IPO7: variants seen among roughly 807,000 people sequenced by gnomAD.
IPO7 encodes the protein importin 7.
In IPO7, 13 loss-of-function variants were observed where a neutral mutation model predicts 136.4. That is an observed-to-expected ratio of 0.10 (90% CI 0.06 to 0.15). The LOEUF is 0.15. Ranked by LOEUF, IPO7 falls within the 10% of genes least tolerant of loss-of-function variation. The pLI, the probability that IPO7 is intolerant of heterozygous loss-of-function variation, is 1.00. For synonymous variants in IPO7, 403 were observed against 404.4 expected (o/e 1.00, Z 0.04); for missense variants, 857 against 1,240.6 (o/e 0.69, Z 4.65).
At chr11:9,426,916 C>CT (rs397961377) in intron 12 of IPO7, among the ~76,000 whole-genome samples, 4 of 151,744 alleles carry the variant, frequency 2.6e-5, no homozygotes, top group South Asian at 4.2e-4. Context: ...CCCGCCCCCC[C>CT]GCCATATGCT....
In IPO7 at chr11:9,403,349, G is replaced by C; in HGVS notation, c.144G>C (p.Leu48=). 1 of 1,613,160 alleles carries C rather than the reference G, an allele frequency of 6.2e-7. No homozygotes were observed. Among genetic ancestry groups the C allele is most frequent in the Non-Finnish European group, 8.5e-7 (1 of 1,179,270 alleles). Residue 48 remains leucine, a synonymous_variant, in exon 2 of 25, where the codon CTG becomes CTC. Coordinates refer to ENST00000379719, the MANE Select transcript of IPO7 (RefSeq NM_006391.3). ...TLLQITMSEQ[L]DLPVRQAGVI... is the part of the protein sequence containing the mutation. ...TCCAGATTACTATGTCGGAACAGCT[G>C]GATTTACCTGTGAGACAGGCAGGCA...
intron 2 of IPO7, among the ~76,000 whole-genome samples, chr11:9,406,661 A>G (rs754405499): frequency 6.6e-6 from 1 of 152,148 alleles, no homozygotes; most frequent in Non-Finnish European, 1.5e-5. Flanking sequence ...ATTTGAAGTC[A>G]GGAGTTCAAG....
chr11:9,409,605 C>G (rs1233981789), intron 3 of IPO7, among the ~76,000 whole-genome samples: 1 of 151,988 alleles, frequency 6.6e-6, no homozygotes, highest in African/African-American at 2.4e-5. Context: ...GTCTTGATCC[C>G]TTGACCTTGT....
At chr11:9,411,392 G>A (rs1854966413) in intron 4 of IPO7, among the ~76,000 whole-genome samples, 1 of 152,196 alleles carries the variant, frequency 6.6e-6, no homozygotes, top group Non-Finnish European at 1.5e-5. Flanking sequence ...CTTGTCAGTT[G>A]AAGGAACACA....
intron 5 of IPO7, 68 bp from the exon 6 acceptor site, chr11:9,416,991 A>C (rs1483045249): frequency 2.2e-5 from 16 of 736,010 alleles, no homozygotes; most frequent in Non-Finnish European, 2.1e-5. Flanking sequence ...AGGTATTGTG[A>C]AGAGTAAAAA....
intron 22 of IPO7, among the ~76,000 whole-genome samples, chr11:9,439,594 G>C (rs1855432053): frequency 6.6e-6 from 1 of 150,934 alleles, no homozygotes; most frequent in Admixed American, 6.6e-5. Flanking sequence ...TGTTGTTGTT[G>C]TTGAGACGGA....
rs1466159011 is a variant in IPO7, at chr11:9,436,169, A to C, written c.2173-102A>C. The stretch of plus-strand genomic sequence containing the variant: ...TCATATTAATTAGGGTACCTCAAGT[A>C]ATACTCAGAGCCTGTACACAGGGTA... On this transcript the variant is annotated intron_variant, in intron 19 of 24. Coordinates refer to ENST00000379719, the MANE Select transcript of IPO7 (RefSeq NM_006391.3). 5.8e-6 allele frequency: 4 copies of C among 684,182 alleles called. No individual in the cohort carries two copies. The East Asian group carries it at 1.1e-4, about 19-fold the overall frequency. 42.4% of individuals were successfully genotyped at this position (684,182 alleles called of 1,614,324 possible).
At position 9,386,686 on chromosome 11, in the gene IPO7, C is replaced by T. The variant is rs117730328; in HGVS notation, c.84+1839C>T. ...ATAGACATTACATGTCTAGTATATG[C>T]ACTAACATCTTGTAGTAGAAACCTG... On this transcript the variant is annotated intron_variant, in intron 1 of 24. Coordinates refer to ENST00000379719, the MANE Select transcript of IPO7 (RefSeq NM_006391.3). Among the ~76,000 whole-genome samples the T allele has an allele frequency of 4.6e-3, 706 of 152,228 alleles. 3 individuals carry two copies. The highest frequency in any genetic ancestry group is 8.3e-3 in the Non-Finnish European group (565 of 68,004).
In IPO7 at chr11:9,424,961, T is replaced by C. The variant is rs1855183218; in HGVS notation, c.1189T>C (p.Leu397=). Residue 397 remains leucine, a synonymous_variant, in exon 11 of 25, where the codon TTG becomes CTG. Coordinates refer to ENST00000379719, the MANE Select transcript of IPO7 (RefSeq NM_006391.3). ...ISPTTAAQTL[L]FTACSKRKEV... ...TCCTACCACTGCTGCCCAGACACTT[T>C]TGTTTACAGCCTGTAGTAAGAGGAA... The C allele has an allele frequency of 6.3e-7, 1 of 1,588,996 alleles. No individual in the cohort carries two copies. The highest frequency in any genetic ancestry group is 2.2e-5 in the East Asian group (1 of 44,770).
In IPO7 at chr11:9,395,231, ATTTTAT is replaced by A. The variant is rs530380861; in HGVS notation, c.85-8036_85-8031del. Among the ~76,000 whole-genome samples the A allele has an allele frequency of 4.4e-3, 666 of 152,080 alleles. 2 individuals are homozygous for A. Among genetic ancestry groups the A allele is most frequent in the Non-Finnish European group, 7.5e-3 (510 of 67,984 alleles). ...ACTAGTGATATTTTTAATTAAGCTT[ATTTTAT>A]TTTTATTTTTATTTTTATTTTTTGA... On this transcript the variant is annotated intron_variant, in intron 1 of 24. Coordinates refer to ENST00000379719, the MANE Select transcript of IPO7 (RefSeq NM_006391.3).
intron 16 of IPO7, 115 bp downstream of exon 16, chr11:9,431,118 G>T: frequency 1.4e-6 from 1 of 706,872 alleles, no homozygotes; most frequent in African/African-American, 1.8e-5. Context: ...CTTTTATAAA[G>T]ATAAGATTGG....
Position 9,423,016 on chromosome 11 carries a change from A to C in IPO7, c.917A>C (p.Lys306Thr). Reference protein sequence around the residue: ...FAVGVQQVLLKVLYQYKEKQY... With the variant: ...FAVGVQQVLLTVLYQYKEKQY... ...AAATTTTTTTCCAAGGTTTTATTGA[A>C]GGTGTTATATCAGTACAAGGAGAAG... The change falls in exon 9 of 25, where the codon AAG (lysine) becomes ACG (threonine). Residue 306 changes from lysine to threonine, a missense_variant. Lys to Thr is a moderately conservative substitution (Grantham distance 78). Transcript: ENST00000379719. The C allele has an allele frequency of 6.5e-7, 1 of 1,532,370 alleles. No homozygotes were observed. Among genetic ancestry groups the C allele is most frequent in the Non-Finnish European group, 8.8e-7 (1 of 1,139,408 alleles). The allele number at this position is 1,532,370 out of a possible 1,614,324, so 94.9% of individuals were successfully genotyped here.
intron 5 of IPO7, among the ~76,000 whole-genome samples, chr11:9,415,628 G>A (rs1206408585): frequency 6.6e-6 from 1 of 152,156 alleles, no homozygotes; most frequent in Non-Finnish European, 1.5e-5. Context: ...CACGAGGTCA[G>A]GAGGTCGAGA....
intron 5 of IPO7, among the ~76,000 whole-genome samples, chr11:9,416,143 C>G (rs1390843106): frequency 6.6e-6 from 1 of 152,122 alleles, no homozygotes; most frequent in African/African-American, 2.4e-5. Flanking sequence ...AGGCTGCACT[C>G]CATCCTGACA....
At chr11:9,394,521 T>C (rs1854682690) in intron 1 of IPO7, among the ~76,000 whole-genome samples, 1 of 152,196 alleles carries the variant, frequency 6.6e-6, no homozygotes, top group Non-Finnish European at 1.5e-5. Flanking sequence ...CTTCATTACA[T>C]TCTTCACAGT....
intron 1 of IPO7, among the ~76,000 whole-genome samples, chr11:9,391,017 G>A (rs954987025): frequency 4.6e-4 from 70 of 152,106 alleles, no homozygotes; most frequent in African/African-American, 1.6e-3. Flanking sequence ...TGATCCACCC[G>A]CCTCTGCCTC....
intron 8 of IPO7, among the ~76,000 whole-genome samples, chr11:9,422,180 G>A (rs1034294700): frequency 3.9e-5 from 6 of 152,110 alleles, no homozygotes; most frequent in Non-Finnish European, 5.9e-5. Flanking sequence ...TCGGGAGGCT[G>A]AGGCAGGAGA....
chr11:9,384,685 G>A lies in IPO7; in HGVS notation c.-79G>A, dbSNP rs1362370289. 3.4e-6 allele frequency: 4 copies of A among 1,185,226 alleles called. No homozygotes were observed. Among genetic ancestry groups the A allele is most frequent in the Non-Finnish European group, 4.8e-6 (4 of 841,208 alleles). The allele number at this position is 1,185,226 out of a possible 1,614,324, so 73.4% of individuals were successfully genotyped here. ...GCCGGTTGCCGCTGCGGAGCGCGGC[G>A]GGTCCATGTGCGCAGTGAGTGGCGC... On this transcript the variant is annotated 5_prime_UTR_variant, in exon 1 of 25. Transcript: ENST00000379719.
intron 8 of IPO7, among the ~76,000 whole-genome samples, 177 bp downstream of exon 8, chr11:9,420,875 G>A (rs1314280403): frequency 6.6e-6 from 1 of 151,996 alleles, no homozygotes; most frequent in Non-Finnish European, 1.5e-5. Flanking sequence ...ATACCATTGG[G>A]TTCTCATTTA....
Sources: allele counts gnomAD v4.1 joint callset (sites outside exome capture counted in the v4.1 genomes callset), GRCh38; gene constraint gnomAD v4.1.1; transcripts MANE v1.5; gene names NCBI Gene and HGNC (gene_info 2026-07-23, HGNC 2026-07-21).